DOCK5: variants seen among roughly 807,000 people sequenced by gnomAD.
DOCK5 encodes dedicator of cytokinesis protein 5.
Under a neutral mutation model 251.8 loss-of-function variants are expected in DOCK5, and 142 were observed. That is an observed-to-expected ratio of 0.56 (90% CI 0.49 to 0.65). The LOEUF (loss-of-function observed/expected upper bound fraction) is 0.65, where lower values mean the gene tolerates loss of function less well. DOCK5 is among the 30% of genes least tolerant of loss of function. The pLI is 0.00. For missense variants in DOCK5, 2,111 were observed against 2,312.3 expected, an observed-to-expected ratio of 0.91 and a Z score of 1.79; for synonymous variants, 842 against 835.5, an observed-to-expected ratio of 1.01 and a Z score of -0.13.
At chr8:25,250,535 C>T (rs1431234672) in intron 2 of DOCK5, among the ~76,000 whole-genome samples, 7 of 152,176 alleles carry the variant, frequency 4.6e-5, no homozygotes, top group Admixed American at 1.3e-4. Context: ...GCAGAAAGTG[C>T]ACTGACTTCT....
chr8:25,288,444 G>A (rs1161064517), intron 5 of DOCK5, among the ~76,000 whole-genome samples: 1 of 152,162 alleles, frequency 6.6e-6, no homozygotes, highest in Non-Finnish European at 1.5e-5. Context: ...TTCCTTGGGG[G>A]ACAAAGTTGG....
rs1801428874 is a variant in DOCK5, at chr8:25,400,961, T to TG, written c.4825dup (p.Glu1609GlyfsTer12). ...TGCTAACAGAAGGGATCCGCATCCA[T>TG]GGGGAGAAACTCACAGAGCAGCTGA... On this transcript the variant is annotated frameshift_variant, in exon 47 of 52. Coordinates refer to ENST00000276440, the MANE Select transcript of DOCK5 (RefSeq NM_024940.8). LOFTEE classifies it high-confidence loss of function. 6.2e-7 allele frequency: 1 copy of TG among 1,613,846 alleles called. No individual in the cohort carries two copies. The highest frequency in any genetic ancestry group is 8.5e-7 in the Non-Finnish European group (1 of 1,179,876).
chr8:25,271,478 G>T (rs185318250), intron 3 of DOCK5, among the ~76,000 whole-genome samples: 5 of 152,160 alleles, frequency 3.3e-5, no homozygotes, highest in Non-Finnish European at 5.9e-5. Flanking sequence ...ACGCTCTCCT[G>T]TGCTGTGTCC....
At position 25,332,639 on chromosome 8, in the gene DOCK5, A is replaced by G. The variant is rs759999061; in HGVS notation, c.2038A>G (p.Met680Val). ...TACACTAGATGCACTCTTTAACATA[A>G]TGATGGAAATGTCAGACAGTGAAAC... The part of the protein sequence containing the change: ...QDTLDALFNI[M>V]MEMSDSETYD... The change falls in exon 20 of 52, where the codon ATG becomes GTG. Residue 680 changes from methionine (M) to valine (V), a missense_variant. This residue lies in a region of DOCK5 where 1,717 missense variants were observed against 1,892.4 expected (regional missense o/e 0.91). Transcript: ENST00000276440. 6.2e-7 allele frequency: 1 copy of G among 1,612,648 alleles called. No individual in the cohort carries two copies. Among genetic ancestry groups the G allele is most frequent in the East Asian group, 2.2e-5 (1 of 44,796 alleles).
intron 5 of DOCK5, among the ~76,000 whole-genome samples, chr8:25,290,881 A>T (rs1303893420): frequency 3.9e-5 from 6 of 152,236 alleles, no homozygotes; most frequent in Admixed American, 3.3e-4. Context: ...AGGTAGAGAC[A>T]TCTAAGTTGA....
intron 1 of DOCK5, among the ~76,000 whole-genome samples, chr8:25,217,363 G>A (rs1168605130): frequency 6.6e-6 from 1 of 151,730 alleles, no homozygotes; most frequent in Non-Finnish European, 1.5e-5. Context: ...ATGATCTCTG[G>A]ACACCTTAGT....
chr8:25,362,207 T>G (rs1800695362), intron 28 of DOCK5, among the ~76,000 whole-genome samples: 1 of 152,164 alleles, frequency 6.6e-6, no homozygotes, highest in African/African-American at 2.4e-5. Flanking sequence ...TGATTCTGCT[T>G]CTTGTGTGTA....
At chr8:25,218,103 A>G (rs1006910783) in intron 1 of DOCK5, among the ~76,000 whole-genome samples, 7 of 152,266 alleles carry the variant, frequency 4.6e-5, no homozygotes, top group African/African-American at 7.2e-5. Context: ...AGGCAGGTAC[A>G]TGAACAAACA....
chr8:25,320,561 GTAAGCAGCAGAAAACTGC>G (rs1041963171), intron 15 of DOCK5, among the ~76,000 whole-genome samples: 2 of 152,274 alleles, frequency 1.3e-5, no homozygotes, highest in Non-Finnish European at 2.9e-5. Context: ...CTGTAGATAG[GTAAGCAGCAGAAAACTGC>G]TTTATGAGCC....
chr8:25,316,569 C>T (rs1371802255), intron 13 of DOCK5, among the ~76,000 whole-genome samples: 1 of 152,134 alleles, frequency 6.6e-6, no homozygotes, highest in Non-Finnish European at 1.5e-5. Context: ...AGTCTATAAT[C>T]GATTACATTA....
intron 45 of DOCK5, among the ~76,000 whole-genome samples, chr8:25,397,293 C>T (rs965491109): frequency 2.0e-5 from 3 of 152,140 alleles, no homozygotes; most frequent in Non-Finnish European, 4.4e-5. Context: ...TTAAGGGAGA[C>T]ATCCTGTGTA....
At chr8:25,349,294 A>T (rs1171389139) in intron 26 of DOCK5, among the ~76,000 whole-genome samples, 1 of 152,226 alleles carries the variant, frequency 6.6e-6, no homozygotes, top group African/African-American at 2.4e-5. Context: ...GAAAAACAGT[A>T]TGAAAAACTA....
chr8:25,296,536 T>C lies in DOCK5; in HGVS notation c.494T>C (p.Val165Ala), dbSNP rs748332549. 1.1e-5 allele frequency: 18 copies of C among 1,610,700 alleles called. No homozygotes were observed. The highest frequency in any genetic ancestry group is 1.5e-5 in the Non-Finnish European group (18 of 1,178,608). ...GNRMLGLDLV[V>A]RDDNGNILDP... ...AGAATGCTGGGGTTAGATCTGGTGG[T>C]GCGAGATGACAATGGGAACATCCTA... is the stretch of plus-strand genomic sequence containing the variant. The change falls in exon 7 of 52, where the codon GTG (valine) becomes GCG (alanine). Residue 165 changes from valine (V) to alanine (A), a missense_variant. Physicochemically the swap from Val to Ala is moderately conservative, Grantham distance 64. This residue lies in a region of DOCK5 where 335 missense variants were observed against 324.9 expected (regional missense o/e 1.03). Transcript: ENST00000276440.
intron 27 of DOCK5, among the ~76,000 whole-genome samples, chr8:25,353,723 G>T (rs1800512473): frequency 6.6e-6 from 1 of 152,012 alleles, no homozygotes; most frequent in Non-Finnish European, 1.5e-5. Flanking sequence ...GACTATTGAA[G>T]GGTAAGAATG....
intron 18 of DOCK5, among the ~76,000 whole-genome samples, chr8:25,330,772 A>G (rs1197828174): frequency 1.3e-5 from 2 of 152,168 alleles, no homozygotes; most frequent in Admixed American, 6.6e-5. Flanking sequence ...ATTGAAAAAT[A>G]TCAGCCGGGC....
intron 1 of DOCK5, among the ~76,000 whole-genome samples, chr8:25,218,116 G>T (rs1802295350): frequency 6.6e-6 from 1 of 152,222 alleles, no homozygotes; most frequent in Non-Finnish European, 1.5e-5. Flanking sequence ...AACAAACAGA[G>T]CCTGGGAAAT....
chr8:25,312,688 G>A (rs976762285), intron 13 of DOCK5, among the ~76,000 whole-genome samples: 11 of 151,588 alleles, frequency 7.3e-5, no homozygotes, highest in Non-Finnish European at 4.4e-5. Flanking sequence ...GCTTGAACCC[G>A]GGAGGCGGTG....
At chr8:25,221,042 A>C (rs1802373069) in intron 1 of DOCK5, among the ~76,000 whole-genome samples, 1 of 152,076 alleles carries the variant, frequency 6.6e-6, no homozygotes, top group South Asian at 2.1e-4. Flanking sequence ...GTTTCTTAGC[A>C]GTCTACCTCT....
At chr8:25,215,948 CA>C in intron 1 of DOCK5, among the ~76,000 whole-genome samples, 1 of 150,972 alleles carries the variant, frequency 6.6e-6, no homozygotes, top group African/African-American at 2.4e-5. Flanking sequence ...CACACACACA[CA>C]CACACACACA....
Sources: gnomAD v4.1 joint callset for allele counts (sites outside exome capture counted in the v4.1 genomes callset) on GRCh38, gnomAD v4.1.1 for gene constraint, gnomAD v4.1.1 regional missense constraint, MANE v1.5 for transcripts, NCBI Gene and HGNC (gene_info 2026-07-23, HGNC 2026-07-21) for gene names.